Variants in IGF2BP2 observed in about 807,000 individuals in gnomAD.
IGF2BP2 encodes insulin-like growth factor 2 mRNA-binding protein 2.
A neutral mutation model predicts 75.8 loss-of-function variants in IGF2BP2; 17 were observed. That is an observed-to-expected ratio of 0.22 (90% CI 0.15 to 0.34). IGF2BP2 has a LOEUF of 0.34. Ranked by LOEUF, IGF2BP2 falls within the 10% of genes least tolerant of loss-of-function variation. The pLI is 1.00. For synonymous variants in IGF2BP2, 288 were observed against 295.6 expected, an observed-to-expected ratio of 0.97 and a Z score of 0.26; for missense variants, 516 against 772.4, an observed-to-expected ratio of 0.67 and a Z score of 3.93.
At chr3:185,676,947 TATATGGAGATATATATAC>T (rs1183380293) in intron 7 of IGF2BP2, among the ~76,000 whole-genome samples, 2 of 141,148 alleles carry the variant, frequency 1.4e-5, no homozygotes, top group Non-Finnish European at 3.0e-5. Context: ...GAGACATATA[TATATGGAGATATATATAC>T]ATATGGAGAT....
At chr3:185,740,152 T>C (rs1403688620) in intron 2 of IGF2BP2, among the ~76,000 whole-genome samples, 1 of 152,166 alleles carries the variant, frequency 6.6e-6, no homozygotes, top group Non-Finnish European at 1.5e-5. Context: ...CCGGCCTTTT[T>C]ATTTCCTTCT....
At chr3:185,715,099 A>AG (rs1029009304) in intron 2 of IGF2BP2, among the ~76,000 whole-genome samples, 152 of 152,336 alleles carry the variant, frequency 1.0e-3, no homozygotes, top group African/African-American at 3.6e-3. Flanking sequence ...GCAAGGAACC[A>AG]GGGGGAGGCA....
intron 10 of IGF2BP2, among the ~76,000 whole-genome samples, chr3:185,660,694 T>C (rs1452065780): frequency 6.6e-6 from 1 of 152,194 alleles, no homozygotes; most frequent in African/African-American, 2.4e-5. Context: ...CTCTCTTGGC[T>C]CTGCTTCTAA....
intron 10 of IGF2BP2, among the ~76,000 whole-genome samples, chr3:185,671,517 C>A (rs1181353681): frequency 1.6e-5 from 2 of 122,178 alleles, no homozygotes; most frequent in African/African-American, 6.6e-5. Context: ...AGCCTGGCGA[C>A]AGAGCAAGAC....
chr3:185,822,302 T>C (rs1741467484), intron 2 of IGF2BP2, among the ~76,000 whole-genome samples: 1 of 152,136 alleles, frequency 6.6e-6, no homozygotes, highest in Non-Finnish European at 1.5e-5. Context: ...GGTGAAGAAA[T>C]GTATGTGAAT....
chr3:185,805,703 G>A lies in IGF2BP2; in HGVS notation c.239+17450C>T, dbSNP rs113292136. Among the ~76,000 whole-genome samples, 916 of 152,094 alleles carry A rather than the reference G, an allele frequency of 6.0e-3. 18 individuals carry two copies. Among genetic ancestry groups the A allele is most frequent in the Admixed American group, 0.034 (516 of 15,282 alleles). On this transcript the variant is annotated intron_variant, in intron 2 of 15. Coordinates refer to ENST00000382199, the MANE Select transcript of IGF2BP2 (RefSeq NM_006548.6). ...ATCACATTTGATCCTCTGTGCTCAC[G>A]GAATTCCCTGTTCAGGCTCACTTTT... is the stretch of plus-strand genomic sequence containing the variant.
intron 2 of IGF2BP2, among the ~76,000 whole-genome samples, chr3:185,744,468 G>A (rs1729976654): frequency 6.6e-6 from 1 of 152,106 alleles, no homozygotes; most frequent in Non-Finnish European, 1.5e-5. Context: ...TCCCATCAGA[G>A]GAAACTACTA....
chr3:185,665,141 C>G (rs1224514160), intron 10 of IGF2BP2, among the ~76,000 whole-genome samples: 2 of 129,082 alleles, frequency 1.5e-5, no homozygotes, highest in Non-Finnish European at 3.1e-5. Flanking sequence ...CTCCAGCCTA[C>G]TAGGTGACAG....
chr3:185,788,260 C>T (rs1736154175), intron 2 of IGF2BP2, among the ~76,000 whole-genome samples: 1 of 152,140 alleles, frequency 6.6e-6, no homozygotes, highest in Admixed American at 6.5e-5. Flanking sequence ...TGGCTTATAC[C>T]TGTAATCCCA....
intron 2 of IGF2BP2, among the ~76,000 whole-genome samples, chr3:185,792,402 T>C (rs11929397): frequency 0.39 from 58,828 of 151,906 alleles, 12,281 homozygotes; most frequent in African/African-American, 0.56. Flanking sequence ...GCCCAGGGTT[T>C]GAAACCAGCC....
intron 10 of IGF2BP2, among the ~76,000 whole-genome samples, chr3:185,660,412 A>G (rs1359740450): frequency 1.3e-5 from 2 of 152,138 alleles, no homozygotes; most frequent in African/African-American, 4.8e-5. Context: ...TTGCCTTATG[A>G]CCCATTAGGG....
chr3:185,722,899 C>G (rs566109942), intron 2 of IGF2BP2, among the ~76,000 whole-genome samples: 1 of 152,242 alleles, frequency 6.6e-6, no homozygotes, highest in South Asian at 2.1e-4. Flanking sequence ...GTTACAAGAA[C>G]CCACTATGAT....
At chr3:185,710,308 T>C (rs751556947) in intron 2 of IGF2BP2, among the ~76,000 whole-genome samples, 3 of 152,048 alleles carry the variant, frequency 2.0e-5, no homozygotes, top group Non-Finnish European at 4.4e-5. Flanking sequence ...GGGGTAGGTA[T>C]TGTGTGCATA....
intron 9 of IGF2BP2, among the ~76,000 whole-genome samples, chr3:185,673,062 C>G (rs1718774443): frequency 6.6e-6 from 1 of 152,210 alleles, no homozygotes; most frequent in South Asian, 2.1e-4. Context: ...CTGGCTAAGT[C>G]CTACTGACCT....
At chr3:185,753,387 CCAA>C (rs1731202928) in intron 2 of IGF2BP2, among the ~76,000 whole-genome samples, 2 of 152,110 alleles carry the variant, frequency 1.3e-5, no homozygotes, top group Admixed American at 1.3e-4. Context: ...CTTGGGAGAA[CCAA>C]CGTTACAGGG....
chr3:185,691,876 A>G (rs770795602), intron 5 of IGF2BP2, among the ~76,000 whole-genome samples: 1 of 152,308 alleles, frequency 6.6e-6, no homozygotes, highest in Non-Finnish European at 1.5e-5. Context: ...CTGGAACTAC[A>G]GGTGCAAGCC....
intron 7 of IGF2BP2, among the ~76,000 whole-genome samples, chr3:185,679,454 TA>T (rs1025211817): frequency 1.3e-5 from 2 of 152,174 alleles, no homozygotes; most frequent in Non-Finnish European, 1.5e-5. Context: ...GATTTATAGT[TA>T]AAAAAAGTTT....
At chr3:185,687,478 T>C (rs1721306860) in intron 6 of IGF2BP2, among the ~76,000 whole-genome samples, 1 of 152,214 alleles carries the variant, frequency 6.6e-6, no homozygotes, top group Non-Finnish European at 1.5e-5. Context: ...GTTTGGTAAA[T>C]GAAGTATTTT....
intron 2 of IGF2BP2, among the ~76,000 whole-genome samples, chr3:185,708,077 C>A (rs1472174796): frequency 6.6e-6 from 1 of 152,166 alleles, no homozygotes; most frequent in African/African-American, 2.4e-5. Context: ...CTCATTTAAG[C>A]CTTACCCTTT....
Sources: gnomAD v4.1 joint callset for allele counts (sites outside exome capture counted in the v4.1 genomes callset) on GRCh38, gnomAD v4.1.1 for gene constraint, MANE v1.5 for transcripts, NCBI Gene and HGNC (gene_info 2026-07-23, HGNC 2026-07-21) for gene names.